CHRM3: variants seen among roughly 807,000 people sequenced by gnomAD.
The protein encoded by CHRM3 is muscarinic acetylcholine receptor M3.
A neutral mutation model predicts 41.8 loss-of-function variants in CHRM3; 11 were observed. That is an observed-to-expected ratio of 0.26 (90% CI 0.17 to 0.44). The LOEUF is 0.44. Among genes scored for constraint, CHRM3 ranks in the 20% least tolerant of loss-of-function variants. The probability of loss-of-function intolerance (pLI) is 1.00; values close to 1 mark genes in which losing one functional copy is unlikely to be tolerated. For missense variants in CHRM3, 571 were observed against 745.4 expected, an observed-to-expected ratio of 0.77 and a Z score of 2.72; for synonymous variants, 297 against 301.4, an observed-to-expected ratio of 0.99 and a Z score of 0.15.
intron 5 of CHRM3, among the ~76,000 whole-genome samples, chr1:239,711,689 C>G (rs1258713380): frequency 6.7e-6 from 1 of 148,666 alleles, no homozygotes; most frequent in Non-Finnish European, 1.5e-5. Flanking sequence ...CACTCTCTCT[C>G]TGCTTTTTTT....
intron 3 of CHRM3, among the ~76,000 whole-genome samples, chr1:239,565,229 A>G (rs990293976): frequency 6.6e-5 from 10 of 152,204 alleles, no homozygotes; most frequent in Non-Finnish European, 8.8e-5. Flanking sequence ...TAAGGTTAAC[A>G]TTTATAGATT....
chr1:239,665,920 A>T (rs923689252), intron 4 of CHRM3, among the ~76,000 whole-genome samples: 1 of 152,128 alleles, frequency 6.6e-6, no homozygotes, highest in Admixed American at 6.5e-5. Flanking sequence ...TCTATCAATG[A>T]TGGGAATTTG....
rs1680344158 is a variant in CHRM3 at position 239,911,126 on chromosome 1, C to A, written c.*1902C>A. ...GTCATCCTGTTGGCATCACCAAGCA[C>A]CTAACTCTTTCTAGGTAATAAAAAG... On this transcript the variant is annotated 3_prime_UTR_variant, in exon 7 of 7. Coordinates refer to ENST00000676153, the MANE Select transcript of CHRM3 (RefSeq NM_001375978.1). 6.0e-6 allele frequency: 1 copy of A among 167,018 alleles called. No homozygotes were observed. The highest frequency in any genetic ancestry group is 1.5e-5 in the Non-Finnish European group (1 of 68,120). 10.3% of individuals were successfully genotyped at this position (167,018 alleles called of 1,614,324 possible). A position where few individuals can be genotyped will look rare whatever the true frequency, so the allele number is the denominator to read the frequency against.
intron 5 of CHRM3, among the ~76,000 whole-genome samples, chr1:239,789,846 A>G (rs1403837185): frequency 5.3e-5 from 8 of 152,220 alleles, no homozygotes; most frequent in Non-Finnish European, 1.0e-4. Context: ...GCCACACTGG[A>G]TAAGTGTGGA....
intron 1 of CHRM3, among the ~76,000 whole-genome samples, chr1:239,451,184 A>G (rs1664530250): frequency 6.6e-6 from 1 of 152,172 alleles, no homozygotes; most frequent in Non-Finnish European, 1.5e-5. Context: ...TGATCATGCC[A>G]CTGGATGCCA....
At chr1:239,648,299 T>G (rs1671919334) in intron 4 of CHRM3, among the ~76,000 whole-genome samples, 1 of 152,316 alleles carries the variant, frequency 6.6e-6, no homozygotes, top group Admixed American at 6.5e-5. Flanking sequence ...AGTCTAAGTT[T>G]ATTTTTCTCT....
intron 6 of CHRM3, among the ~76,000 whole-genome samples, chr1:239,867,401 G>A (rs1302969965): frequency 6.6e-6 from 1 of 152,168 alleles, no homozygotes; most frequent in East Asian, 1.9e-4. Flanking sequence ...CGAAAGTCAT[G>A]TATGGGCTGG....
At chr1:239,783,391 A>G (rs959356425) in intron 5 of CHRM3, among the ~76,000 whole-genome samples, 2 of 152,152 alleles carry the variant, frequency 1.3e-5, no homozygotes, top group African/African-American at 4.8e-5. Context: ...CTATGTTGAA[A>G]ATAGAATGGA....
intron 1 of CHRM3, among the ~76,000 whole-genome samples, chr1:239,448,534 T>A (rs1489166281): frequency 6.6e-6 from 1 of 152,144 alleles, no homozygotes; most frequent in Non-Finnish European, 1.5e-5. Context: ...GAAAGAAAAT[T>A]GATATTTTAA....
At chr1:239,819,494 G>A (rs919950132) in intron 5 of CHRM3, among the ~76,000 whole-genome samples, 3 of 152,274 alleles carry the variant, frequency 2.0e-5, no homozygotes, top group Middle Eastern at 3.4e-3. Context: ...GCCTGTCTGC[G>A]TTAAGCAAAA....
chr1:239,739,630 G>A (rs1025629278), intron 5 of CHRM3, among the ~76,000 whole-genome samples: 10 of 151,844 alleles, frequency 6.6e-5, no homozygotes, highest in African/African-American at 2.4e-4. Context: ...GTTCAGCATC[G>A]TATTATATGC....
chr1:239,492,486 C>T (rs540219852), intron 1 of CHRM3, among the ~76,000 whole-genome samples: 1 of 152,202 alleles, frequency 6.6e-6, no homozygotes, highest in African/African-American at 2.4e-5. Flanking sequence ...CATCTAAACA[C>T]TGGTCCTCCT....
intron 1 of CHRM3, among the ~76,000 whole-genome samples, chr1:239,401,536 G>A (rs1301202758): frequency 6.6e-6 from 1 of 151,440 alleles, no homozygotes; most frequent in East Asian, 1.9e-4. Flanking sequence ...CTGTTGCCAG[G>A]CTGGAGTGCA....
chr1:239,901,819 G>A (rs965839665), intron 6 of CHRM3, among the ~76,000 whole-genome samples: 1 of 152,026 alleles, frequency 6.6e-6, no homozygotes, highest in Non-Finnish European at 1.5e-5. Flanking sequence ...AATAGCCTTG[G>A]GCGTGTCTCC....
At chr1:239,881,901 T>C (rs557515146) in intron 6 of CHRM3, among the ~76,000 whole-genome samples, 191 of 150,934 alleles carry the variant, frequency 1.3e-3, no homozygotes, top group Non-Finnish European at 2.3e-3. Flanking sequence ...TTACCTTCAA[T>C]GTATTCTTTT....
At chr1:239,820,992 C>T (rs1266975287) in intron 5 of CHRM3, among the ~76,000 whole-genome samples, 1 of 152,226 alleles carries the variant, frequency 6.6e-6, no homozygotes, top group East Asian at 1.9e-4. Flanking sequence ...TTATCTTTCT[C>T]TTACACTGAC....
At chr1:239,771,176 G>A (rs1466885499) in intron 5 of CHRM3, among the ~76,000 whole-genome samples, 1 of 151,770 alleles carries the variant, frequency 6.6e-6, no homozygotes, top group African/African-American at 2.4e-5. Flanking sequence ...CAGTGAATAA[G>A]TTACCCAAAC....
chr1:239,464,693 A>C (rs1310383967), intron 1 of CHRM3, among the ~76,000 whole-genome samples: 1 of 152,136 alleles, frequency 6.6e-6, no homozygotes, highest in Non-Finnish European at 1.5e-5. Flanking sequence ...AGCAGGAAGG[A>C]TACTGGACCA....
intron 3 of CHRM3, among the ~76,000 whole-genome samples, chr1:239,609,959 G>A (rs926847284): frequency 1.1e-4 from 16 of 151,986 alleles, no homozygotes; most frequent in African/African-American, 3.4e-4. Flanking sequence ...TTGGGAGGCC[G>A]AGGTGGGTGG....
Sources: allele counts gnomAD v4.1 joint callset (sites outside exome capture counted in the v4.1 genomes callset), GRCh38; gene constraint gnomAD v4.1.1; transcripts MANE v1.5; gene names NCBI Gene and HGNC (gene_info 2026-07-23, HGNC 2026-07-21).